The following FASTKD1 variants were observed in gnomAD, a reference collection of about 807,000 sequenced individuals.
FASTKD1 encodes FAST kinase domain-containing protein 1, mitochondrial.
A neutral mutation model predicts 90.9 loss-of-function variants in FASTKD1; 94 were observed. The ratio of observed to expected loss-of-function variants is 1.03; its 90% CI spans 0.88 to 1.23. FASTKD1 has a LOEUF of 1.23. Ranked by LOEUF, FASTKD1 falls within the 50% of genes most tolerant of loss-of-function variation. The pLI is 0.00. For synonymous variants in FASTKD1, 319 were observed against 345.8 expected (o/e 0.92, Z 0.86); for missense variants, 945 against 993.5 (o/e 0.95, Z 0.66).
intron 7 of FASTKD1, among the ~76,000 whole-genome samples, chr2:169,547,123 T>G (rs1685242527): frequency 6.6e-6 from 1 of 152,214 alleles, no homozygotes; most frequent in Non-Finnish European, 1.5e-5. Context: ...ATTAATTTGC[T>G]GGAGTGATTC....
intron 3 of FASTKD1, among the ~76,000 whole-genome samples, chr2:169,565,326 G>T (rs1228721671): frequency 4.5e-5 from 6 of 134,322 alleles, no homozygotes; most frequent in African/African-American, 1.7e-4. Flanking sequence ...GCAGTGGCGC[G>T]ATCTCGGCTC....
chr2:169,561,816 A>AAATTATTTATTAATTTATTGTG (rs1683645479), intron 4 of FASTKD1, among the ~76,000 whole-genome samples: 1 of 140,674 alleles, frequency 7.1e-6, no homozygotes, highest in African/African-American at 2.8e-5. Flanking sequence ...AATTTATTGT[A>AAATTATTTATTAATTTATTGTG]AATTATTTAT....
At chr2:169,565,093 T>C (rs1325853906) in intron 3 of FASTKD1, among the ~76,000 whole-genome samples, 1 of 150,734 alleles carries the variant, frequency 6.6e-6, no homozygotes, top group Non-Finnish European at 1.5e-5. Flanking sequence ...TAGCTGGGAT[T>C]ACAGGCATGC....
chr2:169,534,109 T>C (rs765843113), intron 12 of FASTKD1, among the ~76,000 whole-genome samples: 2 of 142,680 alleles, frequency 1.4e-5, no homozygotes, highest in Non-Finnish European at 3.0e-5. Flanking sequence ...AGGCAGAGGT[T>C]GCAATGAACC....
At chr2:169,532,532 C>A (rs1574362998) in intron 12 of FASTKD1, among the ~76,000 whole-genome samples, 1 of 150,300 alleles carries the variant, frequency 6.7e-6, no homozygotes, top group South Asian at 2.1e-4. Context: ...AAAAAAAAAA[C>A]CTAAAATCTA....
At position 169,568,998 on chromosome 2, in the gene FASTKD1, C is replaced by CA. The variant is rs374268347; in HGVS notation, c.446+185dup. On this transcript the variant is annotated intron_variant, in intron 3 of 14. Coordinates refer to ENST00000453153, the MANE Select transcript of FASTKD1 (RefSeq NM_024622.6). ...TGGGCGACAGAGTGAGACTCCATCT[C>CA]AAAAAAAAAAAAAAAAACAACAACA... Among the ~76,000 whole-genome samples the CA allele has an allele frequency of 4.2e-3, 444 of 104,680 alleles. 4 individuals are homozygous for CA. The highest frequency in any genetic ancestry group is 0.016 in the African/African-American group (390 of 24,210). 68.7% of individuals were successfully genotyped at this position (104,680 alleles called of 152,430 possible).
intron 13 of FASTKD1, 79 bp downstream of exon 13, chr2:169,531,273 C>G (rs746880152): frequency 4.2e-6 from 6 of 1,436,710 alleles, no homozygotes; most frequent in Non-Finnish European, 5.9e-6. Context: ...ACCTTCAATC[C>G]TTGATCACTG....
At chr2:169,567,717 T>C (rs1181728748) in intron 3 of FASTKD1, among the ~76,000 whole-genome samples, 1 of 152,234 alleles carries the variant, frequency 6.6e-6, no homozygotes, top group Non-Finnish European at 1.5e-5. Context: ...AGCCTGTTGT[T>C]TCTCCTTCAT....
At chr2:169,571,605 A>T (rs1451715843) in intron 2 of FASTKD1, 48 bp downstream of exon 2, 31 of 1,171,128 alleles carry the variant, frequency 2.6e-5, no homozygotes, top group Non-Finnish European at 3.6e-5. Flanking sequence ...GAAAATTAAA[A>T]TGTAAACTAT....
chr2:169,556,425 T>C (rs1481242449), intron 6 of FASTKD1, among the ~76,000 whole-genome samples: 1 of 123,848 alleles, frequency 8.1e-6, no homozygotes, highest in East Asian at 2.8e-4. Context: ...AACAGAGCCA[T>C]ACCCTGTCTC....
chr2:169,570,902 C>A (rs1423655755), intron 2 of FASTKD1: 1 of 152,136 alleles, frequency 6.6e-6, no homozygotes, highest in African/African-American at 2.4e-5. Context: ...TCTTGAACTC[C>A]TGACCTCAGG....
chr2:169,562,933 C>T (rs1490635880), intron 4 of FASTKD1, among the ~76,000 whole-genome samples: 4 of 152,124 alleles, frequency 2.6e-5, no homozygotes, highest in Non-Finnish European at 5.9e-5. Flanking sequence ...GGCCTTCCTA[C>T]GGCACACGTA....
intron 2 of FASTKD1, among the ~76,000 whole-genome samples, chr2:169,569,916 A>T (rs1489099436): frequency 6.6e-6 from 1 of 152,076 alleles, no homozygotes; most frequent in South Asian, 2.1e-4. Context: ...GCTAATAGTC[A>T]CCAATCACCT....
chr2:169,537,414 C>T (rs1323800299), intron 11 of FASTKD1, 74 bp from the exon 12 acceptor site: 6 of 1,052,020 alleles, frequency 5.7e-6, no homozygotes, highest in African/African-American at 1.7e-5. Context: ...ACGGAGTTTT[C>T]GCTCTTGTTG....
intron 12 of FASTKD1, among the ~76,000 whole-genome samples, chr2:169,532,099 C>T (rs1158387872): frequency 6.6e-6 from 1 of 152,220 alleles, no homozygotes; most frequent in South Asian, 2.1e-4. Flanking sequence ...TGACAACATA[C>T]GAACCCACTG....
intron 6 of FASTKD1, among the ~76,000 whole-genome samples, chr2:169,556,559 C>T (rs1029878729): frequency 4.6e-5 from 7 of 152,110 alleles, no homozygotes; most frequent in African/African-American, 1.7e-4. Flanking sequence ...TGCGGTGGCT[C>T]AGGCCTGTAA....
At chr2:169,555,088 ATG>A (rs779808699) in intron 7 of FASTKD1, 34 bp downstream of exon 7, 1 of 1,584,800 alleles carries the variant, frequency 6.3e-7, no homozygotes. Flanking sequence ...TGGCTAGAAA[ATG>A]AAACACTAAA....
chr2:169,543,291 C>T (rs1685037689), intron 9 of FASTKD1, among the ~76,000 whole-genome samples: 1 of 152,094 alleles, frequency 6.6e-6, no homozygotes, highest in African/African-American at 2.4e-5. Context: ...TGGAGAAACC[C>T]CGTCTCTACT....
Position 169,573,767 on chromosome 2 carries a change from A to G in FASTKD1, c.-241T>C, listed in dbSNP as rs185872753. ...TTATTCCTGGTCCCAACACGGAACG[A>G]AACAGGCTCGGATGTCTCGCCCAAC... is the stretch of plus-strand genomic sequence containing the variant. On this transcript the variant is annotated 5_prime_UTR_variant, in exon 1 of 15. Transcript: ENST00000453153. 4 of 152,218 alleles carry G rather than the reference A, an allele frequency of 2.6e-5. No individual in the cohort carries two copies. 9.4% of individuals were successfully genotyped at this position (152,218 alleles called of 1,614,324 possible).
Sources: gnomAD v4.1 joint callset for allele counts (sites outside exome capture counted in the v4.1 genomes callset) on GRCh38, gnomAD v4.1.1 for gene constraint, MANE v1.5 for transcripts, NCBI Gene and HGNC (gene_info 2026-07-23, HGNC 2026-07-21) for gene names.